The following RNPC3 variants were observed in gnomAD, a reference collection of about 807,000 sequenced individuals.
RNPC3 encodes the protein RNA-binding region-containing protein 3.
In RNPC3, 48 loss-of-function variants were observed where a neutral mutation model predicts 67.5. The ratio of observed to expected loss-of-function variants is 0.71; its 90% CI spans 0.56 to 0.90. The LOEUF (loss-of-function observed/expected upper bound fraction) is 0.90, where lower values mean the gene tolerates loss of function less well. RNPC3 is among the 40% of genes least tolerant of loss of function. The probability of loss-of-function intolerance (pLI) is 0.00; values close to 1 mark genes in which losing one functional copy is unlikely to be tolerated. For synonymous variants in RNPC3, 239 were observed against 210.3 expected (o/e 1.14, Z -1.18); for missense variants, 637 against 626.1 (o/e 1.02, Z -0.19).
chr1:103,526,080 C>T lies in RNPC3; in HGVS notation c.10C>T (p.Pro4Ser), dbSNP rs1650696324. The T allele has an allele frequency of 1.4e-5, 22 of 1,534,154 alleles. No individual in the cohort carries two copies. Among genetic ancestry groups the T allele is most frequent in the Non-Finnish European group, 1.9e-5 (22 of 1,136,702 alleles). Residue 4 changes from proline to serine, a missense_variant, in exon 1 of 15, where the codon CCC becomes TCC. Physicochemically the swap from Pro to Ser is moderately conservative, Grantham distance 74. This residue lies in a region of RNPC3 where 536 missense variants were observed against 500.3 expected (regional missense o/e 1.07). Coordinates refer to ENST00000423855, the MANE Select transcript of RNPC3 (RefSeq NM_017619.4). Reference sequence around the variant, plus strand: ...TGCTTCTCCAAGGAAAATGGCAGCTCCCGAGCAGCCGCTTGCGATATCAAG... The same window carrying T: ...TGCTTCTCCAAGGAAAATGGCAGCTTCCGAGCAGCCGCTTGCGATATCAAG... MAAPEQPLAISRGC... is the reference protein window; with the variant it reads MAASEQPLAISRGC...
intron 8 of RNPC3, among the ~76,000 whole-genome samples, chr1:103,542,040 T>C (rs764751017): frequency 5.3e-5 from 8 of 152,062 alleles, no homozygotes; most frequent in Non-Finnish European, 1.2e-4. Flanking sequence ...TTCTGCTAAA[T>C]ATTGTGTGTA....
intron 14 of RNPC3, chr1:103,552,074 C>A: frequency 4.7e-6 from 1 of 212,306 alleles, no homozygotes; most frequent in Non-Finnish European, 9.3e-6. Flanking sequence ...GTTCTTAAAC[C>A]CTAATATGTA....
intron 2 of RNPC3, among the ~76,000 whole-genome samples, chr1:103,532,442 A>G (rs926829094): frequency 6.6e-6 from 1 of 152,116 alleles, no homozygotes; most frequent in African/African-American, 2.4e-5. Context: ...TTAGATATCT[A>G]TGGGGCGCTA....
Position 103,546,228 on chromosome 1 carries a change from G to A in RNPC3, c.1208-20G>A, listed in dbSNP as rs1557760325. ...TAAAATATTTTAATTTTATATCTTT[G>A]TTTTTTGTTTTTTAATAAGAAATGG... On this transcript the variant is annotated intron_variant, in intron 10 of 14. Coordinates refer to ENST00000423855, the MANE Select transcript of RNPC3 (RefSeq NM_017619.4). 1 of 1,158,696 alleles carries A rather than the reference G, an allele frequency of 8.6e-7. No homozygotes were observed. The highest frequency in any genetic ancestry group is 1.1e-6 in the Non-Finnish European group (1 of 876,538). 71.8% of individuals were successfully genotyped at this position (1,158,696 alleles called of 1,614,324 possible).
rs145291969 is a variant in RNPC3, at chr1:103,548,506, C to T, written c.1361+1471C>T. Among the ~76,000 whole-genome samples the T allele has an allele frequency of 9.8e-5, 15 of 152,290 alleles. No homozygotes were observed. In the East Asian group the frequency reaches 2.3e-3, roughly 24 times the overall value. On this transcript the variant is annotated intron_variant, in intron 12 of 14. Coordinates refer to ENST00000423855, the MANE Select transcript of RNPC3 (RefSeq NM_017619.4). ...GAGTTTGCTAAAACATAACAAGAGTCGCCTTTGCTCCAGTTCCCAACAAGT... is the reference window on the plus strand; with the variant it reads ...GAGTTTGCTAAAACATAACAAGAGTTGCCTTTGCTCCAGTTCCCAACAAGT...
At chr1:103,550,640 C>CAAAA (rs34109337) in intron 12 of RNPC3, among the ~76,000 whole-genome samples, 1 of 88,650 alleles carries the variant, frequency 1.1e-5, no homozygotes, top group African/African-American at 4.6e-5. Context: ...GACTCTGTCT[C>CAAAA]AAAAAAAAAA....
Position 103,548,433 on chromosome 1 carries a change from A to G in RNPC3, c.1361+1398A>G, listed in dbSNP as rs534284005. Among the ~76,000 whole-genome samples the G allele has an allele frequency of 7.2e-5, 11 of 152,254 alleles. No individual in the cohort carries two copies. In the South Asian group the frequency reaches 2.3e-3, roughly 32 times the overall value. On this transcript the variant is annotated intron_variant, in intron 12 of 14. Transcript: ENST00000423855. The stretch of plus-strand genomic sequence containing the variant: ...CTCTCTCAAGTTCAAAATTCCATAA[A>G]TCTCTAGGTCAGGGGCAAAATGCCA...
chr1:103,530,132 G>A (rs1208573922), intron 2 of RNPC3, among the ~76,000 whole-genome samples: 1 of 147,462 alleles, frequency 6.8e-6, no homozygotes, highest in Non-Finnish European at 1.5e-5. Flanking sequence ...ACTTTCATGT[G>A]TTCAAAAATA....
intron 3 of RNPC3, 99 bp from the exon 4 acceptor site, chr1:103,534,675 T>C: frequency 1.5e-6 from 1 of 670,846 alleles, no homozygotes; most frequent in Non-Finnish European, 2.4e-6. Flanking sequence ...AATGAAGCTG[T>C]TTTTATAATG....
At chr1:103,547,981 T>G (rs1439155595) in intron 12 of RNPC3, among the ~76,000 whole-genome samples, 1 of 152,170 alleles carries the variant, frequency 6.6e-6, no homozygotes, top group Non-Finnish European at 1.5e-5. Flanking sequence ...GCTTGACGTT[T>G]GCATCCTCTG....
At chr1:103,541,542 T>C in intron 8 of RNPC3, 67 bp downstream of exon 8, 1 of 1,343,058 alleles carries the variant, frequency 7.4e-7, no homozygotes. Flanking sequence ...TTAATTCACA[T>C]CATTCTTCAT....
chr1:103,539,310 G>C (rs1273406237), intron 7 of RNPC3, among the ~76,000 whole-genome samples: 1 of 152,184 alleles, frequency 6.6e-6, no homozygotes, highest in Non-Finnish European at 1.5e-5. Context: ...GTCCACCCAA[G>C]TAGTGGTACA....
intron 2 of RNPC3, among the ~76,000 whole-genome samples, chr1:103,529,760 C>T (rs11589055): frequency 0.069 from 10,551 of 152,242 alleles, 514 homozygotes; most frequent in Middle Eastern, 0.12. Context: ...TGATGTAAGG[C>T]AGGGATCCTC....
intron 2 of RNPC3, among the ~76,000 whole-genome samples, chr1:103,533,027 T>A (rs1274580254): frequency 1.3e-5 from 2 of 151,978 alleles, no homozygotes; most frequent in African/African-American, 2.4e-5. Flanking sequence ...GGACAGTAAA[T>A]TAACAGTATA....
chr1:103,536,902 T>A (rs1465939977), intron 6 of RNPC3, among the ~76,000 whole-genome samples: 1 of 152,194 alleles, frequency 6.6e-6, no homozygotes, highest in African/African-American at 2.4e-5. Flanking sequence ...AAAAGTTATT[T>A]TTGGTTATGT....
chr1:103,555,110 G>A lies in RNPC3; in HGVS notation c.*89G>A, dbSNP rs1318586893. On this transcript the variant is annotated 3_prime_UTR_variant, in exon 15 of 15. Coordinates refer to ENST00000423855, the MANE Select transcript of RNPC3 (RefSeq NM_017619.4). ...AATTGACCACCTGGACTATGGAACT[G>A]TGCGTAACAGCTTTGAAAGTGTATT... 1.3e-5 allele frequency: 2 copies of A among 151,910 alleles called. No homozygotes were observed. The highest frequency in any genetic ancestry group is 4.8e-5 in the African/African-American group (2 of 41,380). The allele number at this position is 151,910 out of a possible 1,614,324, so 9.4% of individuals were successfully genotyped here.
At chr1:103,554,618 C>T (rs1241470739) in intron 14 of RNPC3, 1 of 152,516 alleles carries the variant, frequency 6.6e-6, no homozygotes, top group African/African-American at 2.4e-5. Flanking sequence ...TAAGGACTGA[C>T]CAGTTTAGAC....
At position 103,526,174 on chromosome 1, in the gene RNPC3, C is replaced by T. The variant is rs1347185641; in HGVS notation, c.104C>T (p.Pro35Leu). ...GDRTLLVRHLPAELTAEEKED... is the reference protein window; with the variant it reads ...GDRTLLVRHLLAELTAEEKED... The stretch of plus-strand genomic sequence containing the variant: ...CGAACCCTTCTGGTCAGGCACCTGC[C>T]GGCTGAGCTTACTGCTGAGGAGAAA... The change falls in exon 1 of 15, where the codon CCG (proline) becomes CTG (leucine). Residue 35 changes from proline (P) to leucine (L), a missense_variant. This residue lies in a region of RNPC3 where 536 missense variants were observed against 500.3 expected (regional missense o/e 1.07). Transcript: ENST00000423855. 1 of 1,551,356 alleles carries T rather than the reference C, an allele frequency of 6.4e-7. No individual in the cohort carries two copies. The highest frequency in any genetic ancestry group is 1.4e-5 in the African/African-American group (1 of 73,024).
chr1:103,550,208 A>G (rs1360840233), intron 12 of RNPC3, among the ~76,000 whole-genome samples: 1 of 151,944 alleles, frequency 6.6e-6, no homozygotes, highest in Non-Finnish European at 1.5e-5. Flanking sequence ...TGAATTCTAT[A>G]ATTGCTTATA....
Sources: gnomAD v4.1 joint callset for allele counts (sites outside exome capture counted in the v4.1 genomes callset) on GRCh38, gnomAD v4.1.1 for gene constraint, gnomAD v4.1.1 regional missense constraint, MANE v1.5 for transcripts, NCBI Gene and HGNC (gene_info 2026-07-23, HGNC 2026-07-21) for gene names.